SPIDR: variants seen among roughly 807,000 people sequenced by gnomAD.
SPIDR encodes DNA repair-scaffolding protein.
Under a neutral mutation model 104.6 loss-of-function variants are expected in SPIDR, and 93 were observed. The observed-to-expected ratio is 0.89, with a 90% CI of 0.75 to 1.06. The LOEUF (loss-of-function observed/expected upper bound fraction) is 1.06, where lower values mean the gene tolerates loss of function less well. SPIDR is among the 50% of genes least tolerant of loss of function. The pLI is 0.00. For missense variants in SPIDR, 1,154 were observed against 1,111.2 expected (o/e 1.04, Z -0.55); for synonymous variants, 431 against 416.9 (o/e 1.03, Z -0.41).
At chr8:47,658,029 C>CAAAAAAAAAAAA (rs34648437) in intron 10 of SPIDR, among the ~76,000 whole-genome samples, 58 of 75,952 alleles carry the variant, frequency 7.6e-4, no homozygotes, top group Middle Eastern at 0.01. Context: ...GACCCTGTCT[C>CAAAAAAAAAAAA]AAAAAAAAAA....
chr8:47,637,462 C>T (rs1280379455), intron 10 of SPIDR, among the ~76,000 whole-genome samples: 9 of 152,138 alleles, frequency 5.9e-5, no homozygotes, highest in Non-Finnish European at 1.0e-4. Context: ...CCCAGCTACT[C>T]GGGAGGCTGA....
Position 47,306,131 on chromosome 8 carries a change from G to C in SPIDR, c.525+12101G>C, listed in dbSNP as rs1554581200. Among the ~76,000 whole-genome samples the C allele has an allele frequency of 4.6e-4, 70 of 152,170 alleles. No homozygotes were observed. The Middle Eastern group carries it at 0.01, about 22-fold the overall frequency. On this transcript the variant is annotated intron_variant, in intron 5 of 19. Transcript: ENST00000297423. The stretch of plus-strand genomic sequence containing the variant: ...CATAATATCCTTAAGGTTAATCCAT[G>C]TTGTTAGAATTTTTTATTTTTATTT...
intron 8 of SPIDR, among the ~76,000 whole-genome samples, chr8:47,505,848 C>T (rs1052961374): frequency 6.6e-5 from 10 of 152,304 alleles, no homozygotes; most frequent in South Asian, 6.2e-4. Flanking sequence ...CTCTCCGAAC[C>T]GTTACCTTTT....
chr8:47,425,335 A>G (rs186056273), intron 7 of SPIDR, among the ~76,000 whole-genome samples: 55 of 152,274 alleles, frequency 3.6e-4, no homozygotes, highest in Admixed American at 1.7e-3. Context: ...TACACTGTGA[A>G]TAAGCAAGAT....
At position 47,447,083 on chromosome 8, in the gene SPIDR, C is replaced by T. The variant is rs556347564; in HGVS notation, c.1097+6541C>T. ...TCAGTGGAGGAAATAACTGCACATG[C>T]GGTGGAAAAAGCAAGAGAACTCAAA... On this transcript the variant is annotated intron_variant, in intron 8 of 19. Coordinates refer to ENST00000297423, the MANE Select transcript of SPIDR (RefSeq NM_001080394.4). Among the ~76,000 whole-genome samples, 22 of 152,164 alleles carry T rather than the reference C, an allele frequency of 1.4e-4. No homozygotes were observed. In the South Asian group the frequency reaches 3.3e-3, roughly 23 times the overall value.
intron 10 of SPIDR, among the ~76,000 whole-genome samples, chr8:47,619,978 G>T (rs532748629): frequency 1.3e-5 from 2 of 152,284 alleles, no homozygotes; most frequent in South Asian, 4.1e-4. Context: ...ATTGACCAGA[G>T]AATTCTATAT....
intron 5 of SPIDR, among the ~76,000 whole-genome samples, chr8:47,353,662 T>A (rs1221101770): frequency 2.6e-5 from 4 of 152,174 alleles, no homozygotes; most frequent in African/African-American, 9.7e-5. Context: ...TATATTTTAG[T>A]ATCTTTTATC....
At chr8:47,568,120 T>A (rs1035331589) in intron 8 of SPIDR, among the ~76,000 whole-genome samples, 21 of 152,276 alleles carry the variant, frequency 1.4e-4, no homozygotes, top group Admixed American at 1.2e-3. Flanking sequence ...GATGATTTTT[T>A]AAGGCATTTT....
chr8:47,451,985 G>A (rs1250524088), intron 8 of SPIDR, among the ~76,000 whole-genome samples: 2 of 152,096 alleles, frequency 1.3e-5, no homozygotes, highest in Non-Finnish European at 2.9e-5. Context: ...GCTACCACTT[G>A]AAAGGCTAAT....
chr8:47,572,434 C>T (rs532753954), intron 8 of SPIDR, among the ~76,000 whole-genome samples: 2 of 151,954 alleles, frequency 1.3e-5, no homozygotes, highest in Non-Finnish European at 2.9e-5. Flanking sequence ...GAGTTCGAGG[C>T]GGGTGGATCA....
chr8:47,280,064 C>A (rs958550275), intron 2 of SPIDR, 47 bp downstream of exon 2: 17 of 1,584,768 alleles, frequency 1.1e-5, no homozygotes, highest in Non-Finnish European at 1.4e-5. Flanking sequence ...AAGAGGAAAT[C>A]CTGAGTGTTC....
chr8:47,416,615 T>C (rs1409074557), intron 7 of SPIDR, among the ~76,000 whole-genome samples: 2 of 151,860 alleles, frequency 1.3e-5, no homozygotes, highest in Non-Finnish European at 2.9e-5. Context: ...ATACCAAATA[T>C]TTCAATGAAT....
chr8:47,640,841 C>G (rs1417518039), intron 10 of SPIDR, among the ~76,000 whole-genome samples: 1 of 41,304 alleles, frequency 2.4e-5, no homozygotes, highest in East Asian at 6.3e-4. Context: ...CCACACCCAG[C>G]TTTTTTTTTT....
chr8:47,446,107 G>A (rs1259266097), intron 8 of SPIDR, among the ~76,000 whole-genome samples: 1 of 152,214 alleles, frequency 6.6e-6, no homozygotes, highest in Non-Finnish European at 1.5e-5. Context: ...TATATTTGAA[G>A]AAGATATCAC....
intron 16 of SPIDR, among the ~76,000 whole-genome samples, chr8:47,723,056 CAG>C (rs1270781870): frequency 6.6e-6 from 1 of 151,608 alleles, no homozygotes; most frequent in Non-Finnish European, 1.5e-5. Flanking sequence ...GTTGTTGACA[CAG>C]AGTTTCACTG....
intron 8 of SPIDR, among the ~76,000 whole-genome samples, chr8:47,552,662 G>A (rs1587652479): frequency 6.6e-6 from 1 of 152,126 alleles, no homozygotes; most frequent in African/African-American, 2.4e-5. Context: ...GTCTCTGCAT[G>A]TGAGATGGGT....
rs910690387 is a variant in SPIDR, at chr8:47,342,520, A to T, written c.525+48490A>T. ...CCCGGCTAATTTTTGTATTTTTCAT[A>T]GAGAAGTGGTTTCACCATGTTGGCC... On this transcript the variant is annotated intron_variant, in intron 5 of 19. Coordinates refer to ENST00000297423, the MANE Select transcript of SPIDR (RefSeq NM_001080394.4). Among the ~76,000 whole-genome samples the T allele has an allele frequency of 3.3e-5, 5 of 151,724 alleles. No individual in the cohort carries two copies. The East Asian group carries it at 7.8e-4, about 24-fold the overall frequency.
chr8:47,263,776 C>T (rs2033189302), intron 1 of SPIDR, among the ~76,000 whole-genome samples: 1 of 152,184 alleles, frequency 6.6e-6, no homozygotes, highest in East Asian at 1.9e-4. Context: ...TTGAGGCCCA[C>T]CCCAAATTTC....
chr8:47,720,903 G>A (rs1299685392), intron 16 of SPIDR, among the ~76,000 whole-genome samples: 6 of 151,740 alleles, frequency 4.0e-5, no homozygotes, highest in Non-Finnish European at 7.4e-5. Context: ...GATTACAGGC[G>A]CCTGCCACCA....
Sources: allele counts gnomAD v4.1 joint callset (sites outside exome capture counted in the v4.1 genomes callset), GRCh38; gene constraint gnomAD v4.1.1; transcripts MANE v1.5; gene names NCBI Gene and HGNC (gene_info 2026-07-23, HGNC 2026-07-21).